The following CAMTA1 variants were observed in gnomAD, a reference collection of about 807,000 sequenced individuals.
The protein encoded by CAMTA1 is calmodulin binding transcription activator 1, also known as calmodulin-binding transcription activator 1.
In CAMTA1, 27 loss-of-function variants were observed where a neutral mutation model predicts 170.9. That is an observed-to-expected ratio of 0.16 (90% CI 0.12 to 0.22). The LOEUF (loss-of-function observed/expected upper bound fraction) is 0.22, where lower values mean the gene tolerates loss of function less well. CAMTA1 is among the 10% of genes least tolerant of loss of function. The pLI, the probability that CAMTA1 is intolerant of heterozygous loss-of-function variation, is 1.00. For synonymous variants in CAMTA1, 833 were observed against 891.5 expected, an observed-to-expected ratio of 0.93 and a Z score of 1.17; for missense variants, 1,619 against 2,217.2, an observed-to-expected ratio of 0.73 and a Z score of 5.42.
intron 3 of CAMTA1, among the ~76,000 whole-genome samples, chr1:6,923,644 G>A (rs1478390275): frequency 1.3e-5 from 2 of 152,108 alleles, no homozygotes; most frequent in African/African-American, 4.8e-5. Flanking sequence ...CACACTGGTG[G>A]TTTCCTGTGG....
rs1326249183 is a variant in CAMTA1, at chr1:6,965,351, T to G, written c.235-125953T>G. On this transcript the variant is annotated intron_variant, in intron 3 of 22. Transcript: ENST00000303635. The surrounding 1 kb of genome is among the most constrained non-coding windows in gnomAD (Gnocchi z 4.1). ...TGTGTGTAGGGGGCACGCAGCCAGC[T>G]CTAACTTGAGCAGAGGCATTCTGTT... 6.6e-6 allele frequency among the ~76,000 whole-genome samples: 1 copy of G among 152,118 alleles called. No homozygotes were observed. Among genetic ancestry groups the G allele is most frequent in the Non-Finnish European group, 1.5e-5 (1 of 68,012 alleles).
At chr1:7,631,535 A>G (rs2095668916) in intron 6 of CAMTA1, among the ~76,000 whole-genome samples, 1 of 152,160 alleles carries the variant, frequency 6.6e-6, no homozygotes, top group South Asian at 2.1e-4. Context: ...AACTGTGAAA[A>G]CAGAAATGCC....
chr1:7,338,078 G>T (rs1292167009), intron 5 of CAMTA1, among the ~76,000 whole-genome samples: 1 of 143,608 alleles, frequency 7.0e-6, no homozygotes, highest in Non-Finnish European at 1.5e-5. Flanking sequence ...CATATATATT[G>T]TCCTATTGGT....
chr1:7,735,302 C>T (rs2096763040), intron 12 of CAMTA1, among the ~76,000 whole-genome samples: 2 of 152,096 alleles, frequency 1.3e-5, no homozygotes, highest in Admixed American at 1.3e-4. Flanking sequence ...TCGAGACCAG[C>T]CTGGCCAACA....
In CAMTA1 at chr1:7,512,732, A is replaced by T. The variant is rs140652247; in HGVS notation, c.510+44831A>T. Among the ~76,000 whole-genome samples, 609 of 152,310 alleles carry T rather than the reference A, an allele frequency of 4.0e-3. 5 individuals are homozygous for T. Among genetic ancestry groups the T allele is most frequent in the Non-Finnish European group, 3.8e-3 (260 of 68,022 alleles). On this transcript the variant is annotated intron_variant, in intron 6 of 22. Transcript: ENST00000303635. The stretch of plus-strand genomic sequence containing the variant: ...CATAGAGAGTGGGGAAGGAAGCAAT[A>T]CTAGCTGCTGAACAGAAGTGCATCC...
intron 3 of CAMTA1, among the ~76,000 whole-genome samples, chr1:6,855,444 T>TA (rs1661936450): frequency 6.6e-6 from 1 of 151,618 alleles, no homozygotes; most frequent in African/African-American, 2.4e-5. Context: ...AGGCTTGTCT[T>TA]ACATCGCCAG....
chr1:7,703,957 G>A (rs1415498941), intron 11 of CAMTA1, among the ~76,000 whole-genome samples: 1 of 152,068 alleles, frequency 6.6e-6, no homozygotes, highest in Non-Finnish European at 1.5e-5. Context: ...AGGGTGGGCG[G>A]AGCCTGCACT....
rs552474180 is a variant in CAMTA1 at position 7,635,679 on chromosome 1, C to T, written c.511-4721C>T. On this transcript the variant is annotated intron_variant, in intron 6 of 22. Coordinates refer to ENST00000303635, the MANE Select transcript of CAMTA1 (RefSeq NM_015215.4). This position sits in a 1 kb window ranked among gnomAD's most constrained non-coding sequence, Gnocchi z 4.4. ...CTGCCGTGACTCTCAGATCCAGGCC[C>T]AACCCGGGCATTCCTGCAGGCCGCC... Among the ~76,000 whole-genome samples, 1 of 152,110 alleles carries T rather than the reference C, an allele frequency of 6.6e-6. No homozygotes were observed. The highest frequency in any genetic ancestry group is 2.4e-5 in the African/African-American group (1 of 41,486).
At position 7,511,391 on chromosome 1, in the gene CAMTA1, A is replaced by C. The variant is rs1250378774; in HGVS notation, c.510+43490A>C. 2.3e-4 allele frequency among the ~76,000 whole-genome samples: 26 copies of C among 112,160 alleles called. 3 individuals carry two copies. Among genetic ancestry groups the C allele is most frequent in the Admixed American group, 2.0e-3 (23 of 11,436 alleles). 73.6% of individuals were successfully genotyped at this position (112,160 alleles called of 152,430 possible). On this transcript the variant is annotated intron_variant, in intron 6 of 22. Transcript: ENST00000303635. The stretch of plus-strand genomic sequence containing the variant: ...GAAAAAGAAATAATGAATGTAAATC[A>C]CTTGGCATCTTTGTGGCATTTAAGC...
intron 4 of CAMTA1, among the ~76,000 whole-genome samples, chr1:7,190,999 T>C (rs983084315): frequency 1.3e-5 from 2 of 152,200 alleles, no homozygotes; most frequent in Non-Finnish European, 2.9e-5. Context: ...TTTTAGAACA[T>C]GGATTTTAAC....
rs915286956 is a variant in CAMTA1, at chr1:7,562,031, G to A, written c.511-78369G>A. 6.6e-6 allele frequency among the ~76,000 whole-genome samples: 1 copy of A among 152,130 alleles called. No homozygotes were observed. Among genetic ancestry groups the A allele is most frequent in the African/African-American group, 2.4e-5 (1 of 41,424 alleles). ...GCTTTCTGCAGACTTTGTCCCCATC[G>A]AAGGGTCGTGGCCAAGATGGTGATT... On this transcript the variant is annotated intron_variant, in intron 6 of 22. Coordinates refer to ENST00000303635, the MANE Select transcript of CAMTA1 (RefSeq NM_015215.4). This position sits in a 1 kb window ranked among gnomAD's most constrained non-coding sequence, Gnocchi z 4.8.
intron 3 of CAMTA1, among the ~76,000 whole-genome samples, chr1:7,048,472 A>G (rs542469555): frequency 6.6e-6 from 1 of 152,340 alleles, no homozygotes; most frequent in East Asian, 1.9e-4. Flanking sequence ...GGGTCTTCTC[A>G]GGAGAGGGGA....
chr1:6,961,937 G>A (rs1326784805), intron 3 of CAMTA1, among the ~76,000 whole-genome samples: 1 of 152,190 alleles, frequency 6.6e-6, no homozygotes, highest in Non-Finnish European at 1.5e-5. Context: ...GGGAGGGAGG[G>A]AAGGCGCTGT....
chr1:7,054,437 T>G (rs1389134533), intron 3 of CAMTA1, among the ~76,000 whole-genome samples: 1 of 152,228 alleles, frequency 6.6e-6, no homozygotes, highest in Admixed American at 6.5e-5. Context: ...TTTTTGATTC[T>G]CTATTTTTCT....
chr1:7,664,605 A>G lies in CAMTA1; in HGVS notation c.2058A>G (p.Ala686=). The change falls in exon 9 of 23, where the codon GCA becomes GCG. Residue 686 remains alanine (A), a synonymous_variant. Transcript: ENST00000303635. The part of the protein sequence containing the change: ...QFQANFQAMT[A]EGEVTMETSQ... ...AGGCCAACTTCCAGGCCATGACGGC[A>G]GAAGGGGAGGTCACCATGGAGACCT... 1 of 1,611,716 alleles carries G rather than the reference A, an allele frequency of 6.2e-7. No individual in the cohort carries two copies. Among genetic ancestry groups the G allele is most frequent in the Non-Finnish European group, 8.5e-7 (1 of 1,178,848 alleles).
intron 1 of CAMTA1, among the ~76,000 whole-genome samples, chr1:6,814,056 C>T (rs1168580414): frequency 6.6e-6 from 1 of 152,034 alleles, no homozygotes; most frequent in Non-Finnish European, 1.5e-5. Flanking sequence ...ACCAGAGATA[C>T]TGGGAAGAAC....
intron 5 of CAMTA1, among the ~76,000 whole-genome samples, chr1:7,270,289 A>T (rs377522643): frequency 0.018 from 1,972 of 112,548 alleles, 69 homozygotes; most frequent in African/African-American, 0.061. Flanking sequence ...ATATATATAT[A>T]TATTTTTTTT....
At chr1:7,240,518 CTT>C (rs759906051) in intron 4 of CAMTA1, among the ~76,000 whole-genome samples, 47 of 125,574 alleles carry the variant, frequency 3.7e-4, no homozygotes, top group Admixed American at 6.5e-4. Flanking sequence ...GTTCCAGAGT[CTT>C]TTTTTTTTTT....
intron 4 of CAMTA1, among the ~76,000 whole-genome samples, chr1:7,103,793 AC>A (rs1196384963): frequency 4.6e-5 from 7 of 151,242 alleles, no homozygotes; most frequent in Non-Finnish European, 1.0e-4. Flanking sequence ...ACACGTACAT[AC>A]AACGCACATA....
Sources: gnomAD v4.1 joint callset for allele counts (sites outside exome capture counted in the v4.1 genomes callset) on GRCh38, gnomAD v4.1.1 for gene constraint, Gnocchi (gnomAD v3.1) non-coding constraint, MANE v1.5 for transcripts, NCBI Gene and HGNC (gene_info 2026-07-23, HGNC 2026-07-21) for gene names.